FAM13A: variants seen among roughly 807,000 people sequenced by gnomAD.
The protein encoded by FAM13A is protein FAM13A.
Under a neutral mutation model 129.6 loss-of-function variants are expected in FAM13A, and 76 were observed. That is an observed-to-expected ratio of 0.59 (90% CI 0.49 to 0.71). The LOEUF (loss-of-function observed/expected upper bound fraction) is 0.71, where lower values mean the gene tolerates loss of function less well. Among genes scored for constraint, FAM13A ranks in the 30% least tolerant of loss-of-function variants. FAM13A has a pLI of 0.00. For missense variants in FAM13A, 1,108 were observed against 1,249.3 expected (o/e 0.89, Z 1.70); for synonymous variants, 443 against 449.9 (o/e 0.98, Z 0.20).
chr4:88,896,639 A>G (rs1184279411), intron 6 of FAM13A, among the ~76,000 whole-genome samples: 1 of 152,322 alleles, frequency 6.6e-6, no homozygotes, highest in African/African-American at 2.4e-5. Context: ...GTTCCTGAAA[A>G]CATTAAGCTT....
At chr4:88,931,715 C>T (rs534093125) in intron 5 of FAM13A, among the ~76,000 whole-genome samples, 49 of 152,218 alleles carry the variant, frequency 3.2e-4, no homozygotes, top group African/African-American at 9.4e-4. Flanking sequence ...TTTTTAACCT[C>T]CAAATTCAGA....
chr4:88,844,951 G>A (rs1014028187), intron 7 of FAM13A, among the ~76,000 whole-genome samples: 13 of 152,290 alleles, frequency 8.5e-5, no homozygotes, highest in African/African-American at 3.1e-4. Context: ...AGAGTGACAT[G>A]AATGTGGCTC....
chr4:88,931,367 C>G (rs960191347), intron 5 of FAM13A, among the ~76,000 whole-genome samples: 90 of 152,214 alleles, frequency 5.9e-4, no homozygotes, highest in African/African-American at 1.8e-3. Flanking sequence ...TTTCCTATAT[C>G]CAAAACTATA....
At chr4:88,789,925 T>C (rs1578668405) in intron 9 of FAM13A, among the ~76,000 whole-genome samples, 1 of 152,208 alleles carries the variant, frequency 6.6e-6, no homozygotes, top group Non-Finnish European at 1.5e-5. Flanking sequence ...TGAAGTGTAA[T>C]GAGCAATATG....
At chr4:88,968,673 C>T (rs1759666868) in intron 4 of FAM13A, among the ~76,000 whole-genome samples, 1 of 151,984 alleles carries the variant, frequency 6.6e-6, no homozygotes, top group Non-Finnish European at 1.5e-5. Flanking sequence ...TTTCTCCCAC[C>T]CCACTTTCTT....
intron 3 of FAM13A, among the ~76,000 whole-genome samples, chr4:88,997,279 A>G (rs1763673658): frequency 6.6e-6 from 1 of 152,234 alleles, no homozygotes; most frequent in Admixed American, 6.5e-5. Flanking sequence ...CACAATTAAA[A>G]TAGTCATCAT....
intron 6 of FAM13A, among the ~76,000 whole-genome samples, chr4:88,872,943 C>G (rs905170808): frequency 6.6e-6 from 1 of 152,202 alleles, no homozygotes; most frequent in Non-Finnish European, 1.5e-5. Flanking sequence ...AACTGTCTCT[C>G]AAACCACAGT....
chr4:88,820,391 G>C (rs190420537), intron 7 of FAM13A, among the ~76,000 whole-genome samples: 3 of 152,306 alleles, frequency 2.0e-5, no homozygotes, highest in East Asian at 3.9e-4. Context: ...CTTTGAAGGA[G>C]AGCTGTGTCT....
At chr4:88,948,537 G>A (rs1323632372) in intron 4 of FAM13A, among the ~76,000 whole-genome samples, 2 of 151,618 alleles carry the variant, frequency 1.3e-5, no homozygotes, top group Admixed American at 6.6e-5. Context: ...CACCCAGGCT[G>A]GAGTGCAGTG....
At chr4:88,831,746 G>A (rs1203058337) in intron 7 of FAM13A, among the ~76,000 whole-genome samples, 1 of 152,104 alleles carries the variant, frequency 6.6e-6, no homozygotes, top group Non-Finnish European at 1.5e-5. Flanking sequence ...AATCAGAAAG[G>A]ACACAAACAA....
At chr4:89,004,683 A>G (rs2149065270) in intron 3 of FAM13A, among the ~76,000 whole-genome samples, 1 of 152,336 alleles carries the variant, frequency 6.6e-6, no homozygotes, top group East Asian at 1.9e-4. Context: ...TTTAAGCTTA[A>G]AAGCAGAAAA....
intron 13 of FAM13A, 78 bp from the exon 14 acceptor site, chr4:88,758,979 C>A: frequency 6.9e-7 from 1 of 1,450,206 alleles, no homozygotes; most frequent in Non-Finnish European, 9.4e-7. Flanking sequence ...TCCACTCCTT[C>A]AGGATAAAAC....
chr4:88,750,810 C>T lies in FAM13A; in HGVS notation c.1727-173G>A, dbSNP rs146592748. Among the ~76,000 whole-genome samples the T allele has an allele frequency of 2.6e-3, 399 of 152,334 alleles. 1 individual carries two copies. Among genetic ancestry groups the T allele is most frequent in the African/African-American group, 9.0e-3 (375 of 41,580 alleles). On this transcript the variant is annotated intron_variant, in intron 14 of 23. Transcript: ENST00000264344. The stretch of plus-strand genomic sequence containing the variant: ...GGACACCGCGCCCCAACTGAAATCA[C>T]CAATATGTCTGACAGCCATCATCTG...
intron 19 of FAM13A, among the ~76,000 whole-genome samples, chr4:88,742,025 A>C (rs1248472411): frequency 6.6e-6 from 1 of 152,232 alleles, no homozygotes; most frequent in Non-Finnish European, 1.5e-5. Flanking sequence ...AGTGCATCCT[A>C]ATGTCAGCAC....
intron 7 of FAM13A, among the ~76,000 whole-genome samples, chr4:88,813,900 T>C (rs1730153159): frequency 6.6e-6 from 1 of 152,114 alleles, no homozygotes; most frequent in African/African-American, 2.4e-5. Context: ...ATGAGAACAT[T>C]TTCTGAGTGT....
chr4:88,921,379 A>G (rs1751058227), intron 5 of FAM13A, among the ~76,000 whole-genome samples: 2 of 152,230 alleles, frequency 1.3e-5, no homozygotes, highest in African/African-American at 4.8e-5. Flanking sequence ...CAGCCAGAAG[A>G]GAGTGAGGGC....
intron 4 of FAM13A, among the ~76,000 whole-genome samples, chr4:88,947,585 C>A (rs1484327058): frequency 1.3e-5 from 2 of 152,110 alleles, no homozygotes; most frequent in Non-Finnish European, 2.9e-5. Context: ...TGATCTTTAA[C>A]CTATATTTTT....
chr4:88,977,705 A>C (rs1377068533), intron 4 of FAM13A, among the ~76,000 whole-genome samples: 1 of 152,218 alleles, frequency 6.6e-6, no homozygotes, highest in African/African-American at 2.4e-5. Flanking sequence ...CTTTTCAGTG[A>C]GACCAAGGTC....
At chr4:88,786,144 C>G (rs1432191882) in intron 10 of FAM13A, among the ~76,000 whole-genome samples, 4 of 152,114 alleles carry the variant, frequency 2.6e-5, no homozygotes, top group Non-Finnish European at 5.9e-5. Context: ...TTTCCCTGCC[C>G]TGTCTGGCCC....
Sources: allele counts gnomAD v4.1 joint callset (sites outside exome capture counted in the v4.1 genomes callset), GRCh38; gene constraint gnomAD v4.1.1; transcripts MANE v1.5; gene names NCBI Gene and HGNC (gene_info 2026-07-23, HGNC 2026-07-21).